ABCC9: variants seen among roughly 807,000 people sequenced by gnomAD.
ABCC9 encodes ATP-binding cassette sub-family C member 9.
In ABCC9, 95 loss-of-function variants were observed where a neutral mutation model predicts 188.3. That is an observed-to-expected ratio of 0.50 (90% confidence interval 0.43 to 0.60). The LOEUF is 0.60. ABCC9 is among the 20% of genes least tolerant of loss of function. ABCC9 has a pLI of 0.00. For synonymous variants in ABCC9, 659 were observed against 652.7 expected, an observed-to-expected ratio of 1.01 and a Z score of -0.15; for missense variants, 1,102 against 1,876.3, an observed-to-expected ratio of 0.59 and a Z score of 7.62.
chr12:21,842,477 A>G lies in ABCC9; in HGVS notation c.3316-6T>C. The G allele has an allele frequency of 6.2e-7, 1 of 1,613,872 alleles. No homozygotes were observed. The highest frequency in any genetic ancestry group is 8.5e-7 in the Non-Finnish European group (1 of 1,179,794). ...TCCAAGGTTGGAGGGATGTGCTATT[A>G]GGGTAGTTTAAAAGGAAAATATGAT... On this transcript the variant is annotated splice_polypyrimidine_tract_variant and splice_region_variant and intron_variant, in intron 28 of 39. Transcript: ENST00000261200.
chr12:21,914,900 C>A, intron 7 of ABCC9, among the ~76,000 whole-genome samples: 3 of 134,978 alleles, frequency 2.2e-5, no homozygotes, highest in Non-Finnish European at 4.8e-5. Flanking sequence ...GCTTTGTGTC[C>A]TTTTTTTTTT....
chr12:21,853,230 C>T (rs115905477), intron 22 of ABCC9, among the ~76,000 whole-genome samples: 2,844 of 152,056 alleles, frequency 0.019, 103 homozygotes, highest in African/African-American at 0.065. Flanking sequence ...CGGAGAATCG[C>T]CTGAACCCAG....
At chr12:21,829,760 C>T (rs553983071) in intron 30 of ABCC9, among the ~76,000 whole-genome samples, 50 of 152,148 alleles carry the variant, frequency 3.3e-4, no homozygotes, top group Admixed American at 1.6e-3. Context: ...GCAACTGTAC[C>T]GATATTTTGT....
At chr12:21,936,459 A>T in intron 3 of ABCC9, 74 bp downstream of exon 3, 1 of 1,342,028 alleles carries the variant, frequency 7.5e-7, no homozygotes, top group South Asian at 1.3e-5. Context: ...TTAAGTCAAC[A>T]TTATCCCAAA....
chr12:21,882,642 T>G, intron 16 of ABCC9, 124 bp downstream of exon 16: 1 of 824,430 alleles, frequency 1.2e-6, no homozygotes, highest in Non-Finnish European at 1.9e-6. Flanking sequence ...TAAATGTTAT[T>G]AGGGTTAATG....
intron 31 of ABCC9, among the ~76,000 whole-genome samples, chr12:21,818,643 A>AC (rs1491240386): frequency 3.3e-5 from 4 of 122,936 alleles, no homozygotes; most frequent in African/African-American, 1.3e-4. Context: ...TGTAGGGTTT[A>AC]CTTTTTTTTT....
intron 28 of ABCC9, among the ~76,000 whole-genome samples, chr12:21,843,375 C>G (rs896741991): frequency 6.6e-6 from 1 of 152,102 alleles, no homozygotes; most frequent in African/African-American, 2.4e-5. Context: ...TTTTGACCTA[C>G]TTGTCTTTTG....
At chr12:21,831,457 C>T (rs897218592) in intron 30 of ABCC9, among the ~76,000 whole-genome samples, 1 of 152,078 alleles carries the variant, frequency 6.6e-6, no homozygotes, top group Non-Finnish European at 1.5e-5. Flanking sequence ...GAAGGGTCAA[C>T]TGTCTAGTGA....
chr12:21,808,583 G>A (rs929729954), intron 37 of ABCC9, among the ~76,000 whole-genome samples: 108 of 152,056 alleles, frequency 7.1e-4, no homozygotes, highest in Admixed American at 3.0e-3. Flanking sequence ...AAGTAGACTT[G>A]CTGGGCTTTC....
chr12:21,855,376 C>T (rs573184267), intron 22 of ABCC9, among the ~76,000 whole-genome samples: 52 of 152,182 alleles, frequency 3.4e-4, no homozygotes, highest in Middle Eastern at 6.8e-3. Flanking sequence ...CACGCCACCA[C>T]GCCCCGCTAA....
chr12:21,816,055 T>TTTTTTTTTTTTTTTTTTTTTTTTTG (rs1942614045), intron 33 of ABCC9, among the ~76,000 whole-genome samples, 162 bp from the exon 34 acceptor site: 1 of 114,802 alleles, frequency 8.7e-6, no homozygotes, highest in African/African-American at 4.9e-5. Flanking sequence ...TTTTTTTTTT[T>TTTTTTTTTTTTTTTTTTTTTTTTTG]TTTTTTTTTT....
At chr12:21,913,483 C>G (rs1323587890) in intron 7 of ABCC9, among the ~76,000 whole-genome samples, 1 of 152,166 alleles carries the variant, frequency 6.6e-6, no homozygotes. Flanking sequence ...TATAGGCAGA[C>G]TGGTCAAGAC....
In ABCC9 at chr12:21,916,055, T is replaced by G; in HGVS notation, c.574-145A>C. The G allele has an allele frequency of 4.9e-6, 4 of 814,542 alleles. No homozygotes were observed. In the South Asian group the frequency reaches 7.4e-5, roughly 15 times the overall value. 50.5% of individuals were successfully genotyped at this position (814,542 alleles called of 1,614,324 possible). On this transcript the variant is annotated intron_variant, in intron 6 of 39. Transcript: ENST00000261200. ...CCTCCTTCCATCCCTTTCTGAAATA[T>G]TCTTTGAGATATTTCCTTCTGTTGT...
chr12:21,929,990 T>A (rs967824489), intron 4 of ABCC9, among the ~76,000 whole-genome samples: 2 of 101,068 alleles, frequency 2.0e-5, no homozygotes, highest in South Asian at 3.7e-4. Flanking sequence ...CCCCTCCCCC[T>A]ACCTCATGAC....
intron 22 of ABCC9, among the ~76,000 whole-genome samples, chr12:21,854,948 G>C (rs1371698868): frequency 6.6e-6 from 1 of 152,022 alleles, no homozygotes; most frequent in Admixed American, 6.6e-5. Context: ...ATGCAGCAAG[G>C]ATATAATTAT....
chr12:21,859,617 G>A lies in ABCC9; in HGVS notation c.2474C>T (p.Ala825Val), dbSNP rs964127282. 22 of 1,613,684 alleles carry A rather than the reference G, an allele frequency of 1.4e-5. No homozygotes were observed. The highest frequency in any genetic ancestry group is 1.8e-5 in the Non-Finnish European group (21 of 1,179,840). Reference sequence around the variant, plus strand: ...GACAATGTTGGTGTTTTGATACAGCGCTCGTGCCACACAGATTCTCTGCCT... The same window carrying A: ...GACAATGTTGGTGTTTTGATACAGCACTCGTGCCACACAGATTCTCTGCCT... ...GQRQRICVAR[A>V]LYQNTNIVFL... is the part of the protein sequence containing the mutation. Residue 825 changes from alanine to valine, a missense_variant, in exon 22 of 40, where the codon GCG (alanine) becomes GTG (valine). Ala to Val is a moderately conservative substitution (Grantham distance 64). This residue lies in a region of ABCC9 where 31 missense variants were observed against 78.8 expected (regional missense o/e 0.39). Coordinates refer to ENST00000261200, the MANE Select transcript of ABCC9 (RefSeq NM_020297.4).
chr12:21,904,701 G>T (rs1947946301), intron 12 of ABCC9, among the ~76,000 whole-genome samples: 1 of 152,204 alleles, frequency 6.6e-6, no homozygotes, highest in South Asian at 2.1e-4. Context: ...CTGGCCATCA[G>T]AGAAATGCAA....
At chr12:21,853,531 T>C (rs948908935) in intron 22 of ABCC9, among the ~76,000 whole-genome samples, 2 of 152,110 alleles carry the variant, frequency 1.3e-5, no homozygotes, top group African/African-American at 2.4e-5. Context: ...CTAGGGAGAA[T>C]GTTTTTATCC....
intron 16 of ABCC9, among the ~76,000 whole-genome samples, chr12:21,882,022 G>A (rs1235248513): frequency 6.6e-6 from 1 of 152,136 alleles, no homozygotes; most frequent in East Asian, 1.9e-4. Context: ...TGTGTCAGGT[G>A]TCAAGGAGAG....
Sources: allele counts gnomAD v4.1 joint callset (sites outside exome capture counted in the v4.1 genomes callset), GRCh38; gene constraint gnomAD v4.1.1; regional missense constraint gnomAD v4.1.1; transcripts MANE v1.5; gene names NCBI Gene and HGNC (gene_info 2026-07-23, HGNC 2026-07-21).